HMCN2: variants seen among roughly 807,000 people sequenced by gnomAD.
HMCN2 encodes hemicentin-2.
Under a neutral mutation model 377.5 loss-of-function variants are expected in HMCN2, and 325 were observed. The observed-to-expected ratio is 0.86, with a 90% CI of 0.79 to 0.94. The LOEUF is 0.94. Ranked by LOEUF, HMCN2 falls within the 40% of genes least tolerant of loss-of-function variation. The pLI is 0.00. For missense variants in HMCN2, 4,543 were observed against 4,725.3 expected (o/e 0.96, Z 1.13); for synonymous variants, 2,007 against 2,046.8 (o/e 0.98, Z 0.53).
At chr9:130,432,170 C>G (rs1244300712) in intron 96 of HMCN2, among the ~76,000 whole-genome samples, 1 of 152,212 alleles carries the variant, frequency 6.6e-6, no homozygotes, top group Non-Finnish European at 1.5e-5. Flanking sequence ...CTCTCCCAGG[C>G]CCTCCTACCC....
In HMCN2 at chr9:130,373,889, T is replaced by C. The variant is rs1841225418; in HGVS notation, c.7439-613T>C. On this transcript the variant is annotated intron_variant, in intron 48 of 97. Transcript: ENST00000683500. ...ATGTGTGGATGGGTGCATGGATGGA[T>C]GGATGGATGGATGGATGGATGGATG... is the stretch of plus-strand genomic sequence containing the variant. 1.4e-5 allele frequency among the ~76,000 whole-genome samples: 2 copies of C among 147,606 alleles called. 1 individual carries two copies. Among genetic ancestry groups the C allele is most frequent in the South Asian group, 4.3e-4 (2 of 4,600 alleles).
chr9:130,396,308 C>T lies in HMCN2; in HGVS notation c.11193C>T (p.Ser3731=), dbSNP rs1396194366. The change falls in exon 73 of 98, where the codon AGC becomes AGT. Residue 3731 remains serine (S), a synonymous_variant. Coordinates refer to ENST00000683500, the MANE Select transcript of HMCN2 (RefSeq NM_001291815.2). The part of the protein sequence containing the change: ...RKDRVPLDPR[S]PRFEILPEGS... ...ACAGGGTCCCCCTGGATCCCAGGAG[C>T]CCCAGGTGGGAGAGGGAAGGGGTGG... 7.9e-7 allele frequency: 1 copy of T among 1,268,982 alleles called. No homozygotes were observed. Among genetic ancestry groups the T allele is most frequent in the Non-Finnish European group, 1.0e-6 (1 of 971,888 alleles). 78.6% of individuals were successfully genotyped at this position (1,268,982 alleles called of 1,614,324 possible).
chr9:130,424,919 CAG>C lies in HMCN2; in HGVS notation c.13519+7_13519+8del. On this transcript the variant is annotated splice_region_variant and intron_variant, in intron 88 of 97. Coordinates refer to ENST00000683500, the MANE Select transcript of HMCN2 (RefSeq NM_001291815.2). ...ACACGTGGAGTTTGCTACAGGTAAA[CAG>C]GGCCTCCCCCAGGTGGGCCAGGTAG... 6.8e-7 allele frequency: 1 copy of C among 1,461,628 alleles called. No individual in the cohort carries two copies. The highest frequency in any genetic ancestry group is 9.1e-7 in the Non-Finnish European group (1 of 1,100,710). 90.5% of individuals were successfully genotyped at this position (1,461,628 alleles called of 1,614,324 possible). A position where few individuals can be genotyped will look rare whatever the true frequency, so the allele number is the denominator to read the frequency against.
Position 130,428,609 on chromosome 9 carries a change from TG to T in HMCN2, c.14197+122del, listed in dbSNP as rs1844536933. 5.2e-6 allele frequency: 7 copies of T among 1,345,734 alleles called. No homozygotes were observed. In the East Asian group the frequency reaches 1.8e-4, roughly 34 times the overall value. 83.4% of individuals were successfully genotyped at this position (1,345,734 alleles called of 1,614,324 possible). A position where few individuals can be genotyped will look rare whatever the true frequency, so the allele number is the denominator to read the frequency against. On this transcript the variant is annotated intron_variant, in intron 93 of 97. Transcript: ENST00000683500. This position sits in a 1 kb window ranked among gnomAD's most constrained non-coding sequence, Gnocchi z 5.0. ...GGGCTTCCAGGAAGACTGGGACTCTTGGCAGAAGGAGTACAGCAAGGCTGGG... is the reference window on the plus strand; with the variant it reads ...GGGCTTCCAGGAAGACTGGGACTCTTGCAGAAGGAGTACAGCAAGGCTGGG...
At chr9:130,365,026 C>G (rs1335617822) in intron 41 of HMCN2, 137 bp downstream of exon 41, 1 of 404,002 alleles carries the variant, frequency 2.5e-6, no homozygotes, top group South Asian at 1.0e-4. Flanking sequence ...AGGACTGGTT[C>G]CTCGGGGCCT....
rs191568312 is a variant in HMCN2 at position 130,390,897 on chromosome 9, C to T, written c.9524-80C>T. On this transcript the variant is annotated intron_variant, in intron 62 of 97. Coordinates refer to ENST00000683500, the MANE Select transcript of HMCN2 (RefSeq NM_001291815.2). ...GGGAAGGTGGGGACATATAAGAAGG[C>T]GCCTCTGCCTCTGTGGGGCTCAGTT... is the stretch of plus-strand genomic sequence containing the variant. 471 of 928,330 alleles carry T rather than the reference C, an allele frequency of 5.1e-4. 4 individuals carry two copies. In the African/African-American group the frequency reaches 6.7e-3, roughly 13 times the overall value. 57.5% of individuals were successfully genotyped at this position (928,330 alleles called of 1,614,324 possible).
At chr9:130,277,790 C>CAT (rs1834798609) in intron 1 of HMCN2, among the ~76,000 whole-genome samples, 1 of 89,234 alleles carries the variant, frequency 1.1e-5, no homozygotes, top group Non-Finnish European at 2.3e-5. Context: ...ATCACCACCA[C>CAT]CATCATCATC....
chr9:130,399,612 T>TC lies in HMCN2; in HGVS notation c.11586dup (p.Tyr3863LeufsTer14). On this transcript the variant is annotated frameshift_variant, in exon 76 of 98. Transcript: ENST00000683500. LOFTEE classifies it high-confidence loss of function. ...AATGAGGTGGGCGAGGCCCACAGGC[T>TC]CTACCAGGTGACCGTCCATGGTGAG... is the stretch of plus-strand genomic sequence containing the variant. 1 of 1,289,722 alleles carries TC rather than the reference T, an allele frequency of 7.8e-7. No homozygotes were observed. Among genetic ancestry groups the TC allele is most frequent in the Non-Finnish European group, 1.0e-6 (1 of 988,710 alleles). 79.9% of individuals were successfully genotyped at this position (1,289,722 alleles called of 1,614,324 possible).
At position 130,293,796 on chromosome 9, in the gene HMCN2, G is replaced by A. The variant is rs548155941; in HGVS notation, c.613-1059G>A. On this transcript the variant is annotated intron_variant, in intron 4 of 97. Coordinates refer to ENST00000683500, the MANE Select transcript of HMCN2 (RefSeq NM_001291815.2). Reference sequence around the variant, plus strand: ...AGAGATCCCAGGCCAGTAAGGATGAGAAGCCCGAATCCAATAAATGTGAAT... The same window carrying A: ...AGAGATCCCAGGCCAGTAAGGATGAAAAGCCCGAATCCAATAAATGTGAAT... Among the ~76,000 whole-genome samples, 338 of 152,316 alleles carry A rather than the reference G, an allele frequency of 2.2e-3. 1 individual carries two copies. The highest frequency in any genetic ancestry group is 4.6e-3 in the Admixed American group (71 of 15,300).
chr9:130,355,532 G>A (rs1839979391), intron 32 of HMCN2, among the ~76,000 whole-genome samples: 1 of 152,226 alleles, frequency 6.6e-6, no homozygotes, highest in Non-Finnish European at 1.5e-5. Context: ...GGAGGCAGAT[G>A]TTAAATAATT....
At chr9:130,371,659 A>G (rs781674582) in intron 46 of HMCN2, among the ~76,000 whole-genome samples, 127 of 152,260 alleles carry the variant, frequency 8.3e-4, no homozygotes, top group Non-Finnish European at 1.7e-3. Flanking sequence ...TGTTCCACGC[A>G]GCCCATGATG....
chr9:130,396,449 C>T, intron 73 of HMCN2, 136 bp downstream of exon 73: 1 of 631,596 alleles, frequency 1.6e-6, no homozygotes, highest in East Asian at 6.9e-5. Flanking sequence ...AACACAAGGA[C>T]AGGCCCACCA....
intron 23 of HMCN2, among the ~76,000 whole-genome samples, chr9:130,339,616 T>G (rs1016571700): frequency 2.0e-5 from 3 of 152,194 alleles, no homozygotes; most frequent in Non-Finnish European, 2.9e-5. Context: ...GCTTTCCTCC[T>G]CTATAAAGTG....
At chr9:130,399,765 T>C (rs4740374) in intron 76 of HMCN2, 133 bp downstream of exon 76, 175,073 of 504,776 alleles carry the variant, frequency 0.35, 33,145 homozygotes, top group Admixed American at 0.51. Flanking sequence ...TCCAGGAAGG[T>C]CTCTCAGATC....
At chr9:130,370,714 A>G (rs1236587124) in intron 45 of HMCN2, among the ~76,000 whole-genome samples, 2 of 152,184 alleles carry the variant, frequency 1.3e-5, no homozygotes, top group African/African-American at 4.8e-5. Flanking sequence ...TGAATCCCCC[A>G]GCATCCCGCT....
Position 130,310,048 on chromosome 9 carries a change from G to A in HMCN2, c.2337G>A (p.Gln779=), listed in dbSNP as rs1554938487. The A allele has an allele frequency of 5.6e-6, 3 of 532,802 alleles. No individual in the cohort carries two copies. In the African/African-American group the frequency reaches 5.8e-5, roughly 10 times the overall value. 33.0% of individuals were successfully genotyped at this position (532,802 alleles called of 1,614,324 possible). A position where few individuals can be genotyped will look rare whatever the true frequency, so the allele number is the denominator to read the frequency against. Residue 779 remains glutamine, a synonymous_variant, in exon 15 of 98, where the codon CAG becomes CAA. Coordinates refer to ENST00000683500, the MANE Select transcript of HMCN2 (RefSeq NM_001291815.2). ...TGGGTGACGCCTCTGCAGAAATCCA[G>A]CTGGCGGTTGGACGTGAGTGTATAC... The part of the protein sequence containing the change: ...NELGDASAEI[Q]LAVGHAPQLT...
At chr9:130,364,252 C>G (rs1463787922) in intron 40 of HMCN2, among the ~76,000 whole-genome samples, 1 of 152,196 alleles carries the variant, frequency 6.6e-6, no homozygotes, top group East Asian at 1.9e-4. Flanking sequence ...CAGGGCCTCG[C>G]ATGGCGAGTG....
intron 45 of HMCN2, among the ~76,000 whole-genome samples, chr9:130,370,102 C>T (rs922682019): frequency 1.3e-5 from 2 of 152,166 alleles, no homozygotes; most frequent in South Asian, 2.1e-4. Context: ...CTTGGGTTTA[C>T]TCTTCCTCTA....
intron 15 of HMCN2, among the ~76,000 whole-genome samples, chr9:130,318,784 G>C (rs1837696512): frequency 6.6e-6 from 1 of 152,208 alleles, no homozygotes; most frequent in Non-Finnish European, 1.5e-5. Context: ...AGACCCTAAT[G>C]TATAAGGTCA....
Sources: allele counts gnomAD v4.1 joint callset (sites outside exome capture counted in the v4.1 genomes callset), GRCh38; gene constraint gnomAD v4.1.1; non-coding constraint Gnocchi (gnomAD v3.1); transcripts MANE v1.5; gene names NCBI Gene and HGNC (gene_info 2026-07-23, HGNC 2026-07-21).